KLC2: variants seen among roughly 807,000 people sequenced by gnomAD.
KLC2 encodes the protein kinesin light chain 2, also known as KLC 2.
In KLC2, 35 loss-of-function variants were observed where a neutral mutation model predicts 75.1. That is an observed-to-expected ratio of 0.47 (90% confidence interval 0.36 to 0.62). KLC2 has a LOEUF of 0.62. Ranked by LOEUF, KLC2 falls within the 20% of genes least tolerant of loss-of-function variation. The probability of loss-of-function intolerance (pLI) is 0.00; values close to 1 mark genes in which losing one functional copy is unlikely to be tolerated. For missense variants in KLC2, 611 were observed against 833.2 expected, an observed-to-expected ratio of 0.73 and a Z score of 3.28; for synonymous variants, 314 against 336.7, an observed-to-expected ratio of 0.93 and a Z score of 0.74.
intron 11 of KLC2, 174 bp from the exon 12 acceptor site, chr11:66,265,461 CCAGGTCCCCAGCCCTGGGGT>C: frequency 1.5e-6 from 1 of 664,884 alleles, no homozygotes; most frequent in Admixed American, 3.0e-5. Flanking sequence ...GGCCCTGGGG[CCAGGTCCCCAGCCCTGGGGT>C]GATTTCCCCA....
In KLC2 at chr11:66,264,116, G is replaced by A. The variant is rs1215892316; in HGVS notation, c.1013G>A (p.Gly338Asp). Residue 338 changes from glycine (G) to aspartate (D), a missense_variant, in exon 8 of 16, where the codon GGC (glycine) becomes GAC (aspartate). By Grantham distance (94) the Gly-to-Asp change is moderately conservative. Transcript: ENST00000394067. Reference protein sequence around the residue: ...SNLALLCQNQGKAEEVEYYYR... With the variant: ...SNLALLCQNQDKAEEVEYYYR... ...CTGGCCCTGCTGTGCCAGAACCAGGGCAAAGCTGAGGAGGTGGAATATTAC... is the reference window on the plus strand; with the variant it reads ...CTGGCCCTGCTGTGCCAGAACCAGGACAAAGCTGAGGAGGTGGAATATTAC... 1 of 1,601,668 alleles carries A rather than the reference G, an allele frequency of 6.2e-7. No homozygotes were observed. The highest frequency in any genetic ancestry group is 8.5e-7 in the Non-Finnish European group (1 of 1,173,470).
intron 12 of KLC2, 33 bp from the exon 13 acceptor site, chr11:66,265,821 A>G (rs764670462): frequency 3.1e-6 from 5 of 1,594,988 alleles, no homozygotes; most frequent in South Asian, 1.1e-5. Context: ...GGTGTGGTCC[A>G]TTCACTGCCT....
chr11:66,264,915 C>G (rs1462257977), intron 9 of KLC2, 108 bp from the exon 10 acceptor site: 1 of 1,004,328 alleles, frequency 1.0e-6, no homozygotes, highest in African/African-American at 1.6e-5. Context: ...TTCATGCATT[C>G]AACGAAGCCC....
chr11:66,252,838 C>T (rs938687729), upstream of KLC2, among the ~76,000 whole-genome samples: 2 of 151,948 alleles, frequency 1.3e-5, no homozygotes, highest in Non-Finnish European at 2.9e-5. Flanking sequence ...GAACCAGGAG[C>T]CTCTGGGGAC....
upstream of KLC2, among the ~76,000 whole-genome samples, chr11:66,252,317 G>C (rs560332815): frequency 6.6e-5 from 10 of 152,072 alleles, no homozygotes; most frequent in African/African-American, 2.4e-4. Flanking sequence ...ACAGAGTCTC[G>C]CTCTGTCCCC....
chr11:66,266,257 C>G, intron 14 of KLC2, 40 bp downstream of exon 14: 1 of 1,569,812 alleles, frequency 6.4e-7, no homozygotes, highest in Non-Finnish European at 8.6e-7. Flanking sequence ...AACCACCCAG[C>G]AACCCCGGAT....
chr11:66,258,509 G>C (rs1856168423), intron 1 of KLC2, 75 bp from the exon 2 acceptor site: 1 of 1,030,342 alleles, frequency 9.7e-7, no homozygotes, highest in Admixed American at 2.0e-5. Context: ...GGGACCGCCT[G>C]TTTACCTAAT....
Position 66,262,401 on chromosome 11 carries a change from C to T in KLC2, c.529+209C>T, listed in dbSNP as rs967628492. On this transcript the variant is annotated intron_variant, in intron 4 of 15. Coordinates refer to ENST00000394067, the MANE Select transcript of KLC2 (RefSeq NM_001318734.2). Reference sequence around the variant, plus strand: ...GACATCACAATTAGCTGTGGAGTCACCAGCCTGGCTTCCAGTGCTGCTCTG... The same window carrying T: ...GACATCACAATTAGCTGTGGAGTCATCAGCCTGGCTTCCAGTGCTGCTCTG... 4.6e-5 allele frequency: 27 copies of T among 587,722 alleles called. No homozygotes were observed. The African/African-American group carries it at 5.0e-4, about 11-fold the overall frequency. 36.4% of individuals were successfully genotyped at this position (587,722 alleles called of 1,614,324 possible). A position where few individuals can be genotyped will look rare whatever the true frequency, so the allele number is the denominator to read the frequency against.
Position 66,266,213 on chromosome 11 carries a change from C to G in KLC2, c.1723C>G (p.Pro575Ala). 1 of 1,600,012 alleles carries G rather than the reference C, an allele frequency of 6.2e-7. No homozygotes were observed. Residue 575 changes from proline to alanine, a missense_variant, in exon 14 of 16, where the codon CCC (proline) becomes GCC (alanine). Coordinates refer to ENST00000394067, the MANE Select transcript of KLC2 (RefSeq NM_001318734.2). ...QGGTPQEPPN[P>A]RMKRASSLNF... ...GGGCACCCCCCAGGAGCCCCCTAAC[C>G]CCAGGTGAGCCCCCCACCAAGGTGA...
Position 66,263,056 on chromosome 11 carries a change from G to A in KLC2, c.752+20G>A. On this transcript the variant is annotated intron_variant, in intron 5 of 15. Transcript: ENST00000394067. ...CTATCGGTGAGGACTCTCTGGGGGT[G>A]CCCAAATTCTTCTGGAAGGCTCCAG... 3.8e-6 allele frequency: 6 copies of A among 1,579,332 alleles called. No homozygotes were observed. Among genetic ancestry groups the A allele is most frequent in the Non-Finnish European group, 4.3e-6 (5 of 1,149,990 alleles).
chr11:66,267,620 CCTGCCCCGCATCCCGGCCTTATGCA>C lies in KLC2; in HGVS notation c.*672_*696del, dbSNP rs1856934659. ...TTAGTCCGTCCTCCCACCGCCGGGCCCTGCCCCGCATCCCGGCCTTATGCACTGCCCCTCCCACCCGGCCCCGCCC... is the reference window on the plus strand; with the variant it reads ...TTAGTCCGTCCTCCCACCGCCGGGCCCTGCCCCTCCCACCCGGCCCCGCCC... On this transcript the variant is annotated 3_prime_UTR_variant, in exon 16 of 16. Transcript: ENST00000394067. The C allele has an allele frequency of 1.7e-6, 1 of 598,442 alleles. No homozygotes were observed. The highest frequency in any genetic ancestry group is 3.0e-6 in the Non-Finnish European group (1 of 334,670). The allele number at this position is 598,442 out of a possible 1,614,324, so 37.1% of individuals were successfully genotyped here. A position where few individuals can be genotyped will look rare whatever the true frequency, so the allele number is the denominator to read the frequency against.
chr11:66,248,375 T>C, the KLC2 span, among the ~76,000 whole-genome samples: 1 of 152,098 alleles, frequency 6.6e-6, no homozygotes, highest in Admixed American at 6.5e-5. Context: ...ATCACAGCAC[T>C]TGGGGAGGCT....
rs1336794682 is a variant in KLC2 at position 66,262,927 on chromosome 11, G to A, written c.643G>A (p.Glu215Lys). The part of the protein sequence containing the change: ...VIQYASQGRY[E>K]VAVPLCKQAL... The stretch of plus-strand genomic sequence containing the variant: ...CCAATACGCCTCACAGGGCCGCTAC[G>A]AGGTAGCTGTGCCACTCTGCAAGCA... Residue 215 changes from glutamate to lysine, a missense_variant, in exon 5 of 16, where the codon GAG becomes AAG. By Grantham distance (56) the Glu-to-Lys change is moderately conservative. Coordinates refer to ENST00000394067, the MANE Select transcript of KLC2 (RefSeq NM_001318734.2). 5.6e-6 allele frequency: 9 copies of A among 1,613,804 alleles called. No individual in the cohort carries two copies. The highest frequency in any genetic ancestry group is 5.9e-6 in the Non-Finnish European group (7 of 1,179,984).
the KLC2 span, chr11:66,244,380 A>C: frequency 1.3e-5 from 2 of 149,534 alleles, no homozygotes; most frequent in Admixed American, 6.7e-5. Flanking sequence ...CCTCCCTGTC[A>C]CCTCCCTCTC....
In KLC2 at chr11:66,267,691, C is replaced by CGG. The variant is rs1304670731; in HGVS notation, c.*737_*738dup. The CGG allele has an allele frequency of 1.2e-5, 6 of 518,812 alleles. No homozygotes were observed. The Admixed American group carries it at 1.5e-4, about 13-fold the overall frequency. The allele number at this position is 518,812 out of a possible 1,614,324, so 32.1% of individuals were successfully genotyped here. On this transcript the variant is annotated 3_prime_UTR_variant, in exon 16 of 16. Coordinates refer to ENST00000394067, the MANE Select transcript of KLC2 (RefSeq NM_001318734.2). ...CGCCCAGGCACGGCCGACCCCGCCC[C>CGG]GGGCACCGCCCACCGAGCCATCCTG... is the stretch of plus-strand genomic sequence containing the variant.
chr11:66,263,650 C>T lies in KLC2; in HGVS notation c.753-10C>T, dbSNP rs766424682. On this transcript the variant is annotated splice_polypyrimidine_tract_variant and intron_variant, in intron 5 of 15. Coordinates refer to ENST00000394067, the MANE Select transcript of KLC2 (RefSeq NM_001318734.2). The stretch of plus-strand genomic sequence containing the variant: ...AGGACAGCCCTGACCATGCTCCTAC[C>T]TGCTCCCAGGGATCAGAACAAGTAC... 1.9e-6 allele frequency: 3 copies of T among 1,608,044 alleles called. No individual in the cohort carries two copies. The highest frequency in any genetic ancestry group is 1.7e-6 in the Non-Finnish European group (2 of 1,174,646).
chr11:66,263,685 G>A lies in KLC2; in HGVS notation c.778G>A (p.Ala260Thr). 5.6e-6 allele frequency: 9 copies of A among 1,613,924 alleles called. No homozygotes were observed. The highest frequency in any genetic ancestry group is 7.6e-6 in the Non-Finnish European group (9 of 1,179,814). ...YRDQNKYKEA[A>T]HLLNDALAIR... ...GGATCAGAACAAGTACAAGGAGGCT[G>A]CCCACCTGCTCAATGATGCTCTGGC... Residue 260 changes from alanine to threonine, a missense_variant, in exon 6 of 16, where the codon GCC (alanine) becomes ACC (threonine). Coordinates refer to ENST00000394067, the MANE Select transcript of KLC2 (RefSeq NM_001318734.2).
Position 66,264,188 on chromosome 11 carries a change from A to G in KLC2, c.1085A>G (p.Asp362Gly). Residue 362 changes from aspartate to glycine, a missense_variant, in exon 8 of 16, where the codon GAC (aspartate) becomes GGC (glycine). Physicochemically the swap from Asp to Gly is moderately conservative, Grantham distance 94. Transcript: ENST00000394067. ...TATGCTACACGCCTCGGGCCCGATG[A>G]CCCCAATGTGGCCAAGACCAAGAAC... ...EIYATRLGPD[D>G]PNVAKTKNNL... 6.4e-7 allele frequency: 1 copy of G among 1,571,592 alleles called. No homozygotes were observed. Among genetic ancestry groups the G allele is most frequent in the Non-Finnish European group, 8.6e-7 (1 of 1,157,538 alleles).
At chr11:66,257,435 C>T (rs1398152600), upstream of KLC2, 1 of 152,366 alleles carries the variant, frequency 6.6e-6, no homozygotes, top group East Asian at 1.9e-4. Flanking sequence ...CCAACCTTCT[C>T]CCTGCGCCTC....
Sources: allele counts gnomAD v4.1 joint callset (sites outside exome capture counted in the v4.1 genomes callset), GRCh38; gene constraint gnomAD v4.1.1; transcripts MANE v1.5; gene names NCBI Gene and HGNC (gene_info 2026-07-23, HGNC 2026-07-21).